Variants in HOXA3 observed in about 807,000 individuals in gnomAD.
HOXA3 encodes homeobox A3, also known as homeobox protein Hox-A3.
HOXA3 carries 8 observed loss-of-function variants against 30.3 expected under a neutral mutation model. The observed-to-expected ratio is 0.26, with a 90% confidence interval of 0.15 to 0.48. The LOEUF is 0.48. Among genes scored for constraint, HOXA3 ranks in the 20% least tolerant of loss-of-function variants. The probability of loss-of-function intolerance (pLI) is 0.99; values close to 1 mark genes in which losing one functional copy is unlikely to be tolerated. For synonymous variants in HOXA3, 323 were observed against 273.1 expected (o/e 1.18, Z -1.80); for missense variants, 653 against 614.4 (o/e 1.06, Z -0.66).
intron 1 of HOXA3, chr7:27,151,514 T>C (rs534923435): frequency 6.0e-5 from 27 of 452,950 alleles, no homozygotes; most frequent in Non-Finnish European, 1.1e-4. Context: ...CATTATGTCC[T>C]CTGCACCGAA....
chr7:27,120,202 G>A (rs1344791710), intron 4 of HOXA3, among the ~76,000 whole-genome samples: 3 of 152,030 alleles, frequency 2.0e-5, no homozygotes, highest in East Asian at 1.9e-4. Flanking sequence ...GATGAGAAGG[G>A]GCCCCCTTCA....
intron 1 of HOXA3, chr7:27,141,606 A>T (rs1156546768): frequency 4.8e-6 from 2 of 420,204 alleles, no homozygotes; most frequent in East Asian, 3.8e-5. Flanking sequence ...TAAAACATCT[A>T]TTTTTTTTCA....
chr7:27,141,739 C>G (rs1375227262), intron 1 of HOXA3: 4 of 1,470,236 alleles, frequency 2.7e-6, no homozygotes, highest in Non-Finnish European at 3.7e-6. Context: ...AGGGCTTCTT[C>G]ACAGAAGGAA....
At chr7:27,143,439 C>G (rs1782646726) in intron 1 of HOXA3, 1 of 1,613,214 alleles carries the variant, frequency 6.2e-7, no homozygotes. Flanking sequence ...CCCGAGCGGC[C>G]GACGCTGAGA....
chr7:27,111,578 T>C (rs1220963500), intron 4 of HOXA3, among the ~76,000 whole-genome samples: 1 of 151,894 alleles, frequency 6.6e-6, no homozygotes, highest in African/African-American at 2.4e-5. Flanking sequence ...TGGAGAGTTC[T>C]TTACTCCTTT....
At position 27,108,607 on chromosome 7, in the gene HOXA3, G is replaced by A; in HGVS notation, c.640C>T (p.Arg214Cys). The change falls in exon 6 of 6, where the codon CGC becomes TGC. Residue 214 changes from arginine to cysteine, a missense_variant. Physicochemically the swap from Arg to Cys is radical, Grantham distance 180 (BLOSUM62 -3). Around this residue, in one of 3 missense-constraint regions of HOXA3, gnomAD observed 320 missense variants for 321.9 expected, o/e 0.99. Coordinates refer to ENST00000612286, the MANE Select transcript of HOXA3 (RefSeq NM_153631.3). This position sits in a 1 kb window ranked among gnomAD's most constrained non-coding sequence, Gnocchi z 5.0. ...ACCCGGCGCGGCCGGCACAGGTAGC[G>A]GTTGAAGTGGAACTCTTTCTCCAGC... ...VELEKEFHFN[R>C]YLCRPRRVEM... 6.2e-7 allele frequency: 1 copy of A among 1,614,166 alleles called. No homozygotes were observed. Among genetic ancestry groups the A allele is most frequent in the Non-Finnish European group, 8.5e-7 (1 of 1,179,992 alleles).
At chr7:27,150,070 A>G (rs1017744085) in intron 1 of HOXA3, 2 of 152,148 alleles carry the variant, frequency 1.3e-5, no homozygotes, top group African/African-American at 4.8e-5. Flanking sequence ...TCTAGCTTCT[A>G]TAGGCACTAA....
chr7:27,117,630 G>C (rs1416502466), intron 4 of HOXA3, among the ~76,000 whole-genome samples: 2 of 152,146 alleles, frequency 1.3e-5, no homozygotes, highest in East Asian at 3.9e-4. Context: ...AAATGGCAGC[G>C]CATCTGCACA....
At chr7:27,133,138 G>A (rs1439131514) in intron 2 of HOXA3, among the ~76,000 whole-genome samples, 1 of 152,030 alleles carries the variant, frequency 6.6e-6, no homozygotes, top group Non-Finnish European at 1.5e-5. Flanking sequence ...AAACACAAAC[G>A]GAGCCAGGAC....
intron 1 of HOXA3, among the ~76,000 whole-genome samples, chr7:27,148,092 A>G (rs1782845554): frequency 6.6e-6 from 1 of 152,252 alleles, no homozygotes; most frequent in Admixed American, 6.5e-5. Context: ...AGGCCAGAGT[A>G]GGGACACTAA....
Position 27,108,479 on chromosome 7 carries a change from T to A in HOXA3, c.768A>T (p.Leu256=), listed in dbSNP as rs765285255. 67 of 1,613,952 alleles carry A rather than the reference T, an allele frequency of 4.2e-5. No individual in the cohort carries two copies. The East Asian group carries it at 1.2e-3, about 30-fold the overall frequency. Residue 256 remains leucine, a synonymous_variant, in exon 6 of 6, where the codon CTA becomes CTT. Coordinates refer to ENST00000612286, the MANE Select transcript of HOXA3 (RefSeq NM_153631.3). The surrounding 1 kb of genome is among the most constrained non-coding windows in gnomAD (Gnocchi z 5.0). The part of the protein sequence containing the change: ...YKKDQKGKGM[L]TSSGGQSPSR... ...TTGGAGACTGGCCCCCCGATGACGT[T>A]AGCATGCCCTTGCCCTTCTGATCCT...
intron 3 of HOXA3, among the ~76,000 whole-genome samples, 192 bp downstream of exon 3, chr7:27,126,694 G>A (rs905552889): frequency 1.3e-5 from 2 of 152,116 alleles, no homozygotes; most frequent in Non-Finnish European, 2.9e-5. Flanking sequence ...ATACAGTTGG[G>A]ACAAAAATGC....
chr7:27,123,841 A>G (rs1033728370), intron 3 of HOXA3: 1 of 152,040 alleles, frequency 6.6e-6, no homozygotes. Flanking sequence ...GCCCCCACAA[A>G]CCAAAGGAAA....
intron 4 of HOXA3, among the ~76,000 whole-genome samples, chr7:27,114,263 C>T (rs988525783): frequency 1.3e-5 from 2 of 152,062 alleles, no homozygotes; most frequent in African/African-American, 4.8e-5. Flanking sequence ...TGAGGACAAA[C>T]GGCTCTCACA....
intron 1 of HOXA3, chr7:27,147,727 G>A (rs1233230740): frequency 1.7e-5 from 28 of 1,609,606 alleles, no homozygotes; most frequent in Non-Finnish European, 2.4e-5. Context: ...GGGGAAAGTG[G>A]GATTCACAAA....
At chr7:27,110,064 G>C in intron 5 of HOXA3, 51 bp downstream of exon 5, 1 of 1,610,154 alleles carries the variant, frequency 6.2e-7, no homozygotes, top group Admixed American at 1.7e-5. Flanking sequence ...GCAGTAGCTT[G>C]GGGACCAGGA....
chr7:27,151,355 C>T (rs1001935449), intron 1 of HOXA3: 5 of 339,476 alleles, frequency 1.5e-5, no homozygotes, highest in African/African-American at 1.1e-4. Context: ...CCGGGCAGCT[C>T]CACCATCCTC....
intron 1 of HOXA3, chr7:27,145,935 C>T (rs778231475): frequency 4.4e-6 from 7 of 1,606,758 alleles, no homozygotes; most frequent in African/African-American, 1.3e-5. Flanking sequence ...CAGAAACGGC[C>T]GGGCGCCGGT....
intron 1 of HOXA3, chr7:27,147,831 GT>G: frequency 7.8e-7 from 1 of 1,275,942 alleles, no homozygotes; most frequent in East Asian, 2.5e-5. Context: ...GAACTGGTTT[GT>G]TTCTGGATGG....
Sources: allele counts gnomAD v4.1 joint callset (sites outside exome capture counted in the v4.1 genomes callset), GRCh38; gene constraint gnomAD v4.1.1; regional missense constraint gnomAD v4.1.1; non-coding constraint Gnocchi (gnomAD v3.1); transcripts MANE v1.5; gene names NCBI Gene and HGNC (gene_info 2026-07-23, HGNC 2026-07-21).